The following LRFN5 variants were observed in gnomAD, a reference collection of about 807,000 sequenced individuals.
LRFN5 encodes the protein leucine-rich repeat and fibronectin type-III domain-containing protein 5.
A neutral mutation model predicts 45.6 loss-of-function variants in LRFN5; 24 were observed. The observed-to-expected ratio is 0.53, with a 90% CI of 0.38 to 0.74. The LOEUF is 0.74. Among genes scored for constraint, LRFN5 ranks in the 30% least tolerant of loss-of-function variants. The pLI, the probability that LRFN5 is intolerant of heterozygous loss-of-function variation, is 0.00. For missense variants in LRFN5, 776 were observed against 861.5 expected (o/e 0.90, Z 1.24); for synonymous variants, 340 against 313.8 (o/e 1.08, Z -0.88).
intron 2 of LRFN5, among the ~76,000 whole-genome samples, chr14:41,856,679 T>TATTATTA (rs1566486513): frequency 6.7e-5 from 4 of 60,100 alleles, no homozygotes; most frequent in Admixed American, 1.7e-4. Context: ...ATTATTATTT[T>TATTATTA]TTTTTTTTTT....
intron 1 of LRFN5, among the ~76,000 whole-genome samples, chr14:41,711,664 C>G (rs753247312): frequency 7.9e-5 from 12 of 152,128 alleles, no homozygotes; most frequent in Admixed American, 2.6e-4. Flanking sequence ...GAAGCAATCA[C>G]AGTTTCTTTC....
intron 2 of LRFN5, among the ~76,000 whole-genome samples, chr14:41,864,551 G>T (rs866513799): frequency 1.3e-4 from 20 of 152,238 alleles, no homozygotes; most frequent in African/African-American, 4.8e-4. Context: ...GGGATTAGAA[G>T]CCCACCCTAC....
chr14:41,638,750 A>G (rs1879424910), intron 1 of LRFN5, among the ~76,000 whole-genome samples: 1 of 152,244 alleles, frequency 6.6e-6, no homozygotes, highest in East Asian at 1.9e-4. Context: ...CTTTTATAAC[A>G]TAAACTAAAT....
intron 1 of LRFN5, among the ~76,000 whole-genome samples, chr14:41,625,256 G>T (rs1316500135): frequency 8.4e-6 from 1 of 118,834 alleles, no homozygotes; most frequent in Non-Finnish European, 1.9e-5. Flanking sequence ...TATATCAAGG[G>T]TGGGTTCATC....
At chr14:41,895,615 ACT>A (rs1306091805) in intron 4 of LRFN5, among the ~76,000 whole-genome samples, 2 of 151,896 alleles carry the variant, frequency 1.3e-5, no homozygotes, top group African/African-American at 2.4e-5. Flanking sequence ...ACAGAGAGAG[ACT>A]CTGTCTCAAA....
At chr14:41,639,178 G>T (rs1356063177) in intron 1 of LRFN5, among the ~76,000 whole-genome samples, 1 of 152,064 alleles carries the variant, frequency 6.6e-6, no homozygotes, top group Admixed American at 6.6e-5. Flanking sequence ...TGAATCATTT[G>T]CTCAATAGCA....
intron 2 of LRFN5, among the ~76,000 whole-genome samples, chr14:41,836,757 G>A (rs1888675382): frequency 6.6e-6 from 1 of 152,092 alleles, no homozygotes. Flanking sequence ...CACCTAAACA[G>A]GTTCATTCAG....
intron 1 of LRFN5, among the ~76,000 whole-genome samples, chr14:41,610,650 C>G (rs1165954595): frequency 3.7e-5 from 1 of 26,786 alleles, no homozygotes; most frequent in African/African-American, 1.2e-4. Flanking sequence ...CCTCTGAGGT[C>G]CCAGGGAAGG....
chr14:41,815,743 C>A (rs1267511536), intron 2 of LRFN5, among the ~76,000 whole-genome samples: 1 of 151,636 alleles, frequency 6.6e-6, no homozygotes, highest in African/African-American at 2.4e-5. Flanking sequence ...GAGACCTTGT[C>A]TCATAAATAA....
chr14:41,859,809 T>C (rs956421561), intron 2 of LRFN5, among the ~76,000 whole-genome samples: 2 of 152,224 alleles, frequency 1.3e-5, no homozygotes, highest in Non-Finnish European at 2.9e-5. Context: ...ATTAATGTTA[T>C]ACCTTAATAC....
chr14:41,833,734 C>T (rs1040742237), intron 2 of LRFN5, among the ~76,000 whole-genome samples: 8 of 152,196 alleles, frequency 5.3e-5, no homozygotes, highest in Non-Finnish European at 7.3e-5. Context: ...TTTCTACTTT[C>T]TTAACTTTGT....
intron 1 of LRFN5, among the ~76,000 whole-genome samples, chr14:41,664,519 G>T (rs1323374751): frequency 1.3e-4 from 19 of 151,708 alleles, no homozygotes; most frequent in Non-Finnish European, 2.8e-4. Flanking sequence ...TTTCTAGGCT[G>T]GGCAGAATGG....
intron 2 of LRFN5, among the ~76,000 whole-genome samples, chr14:41,823,827 C>T (rs965254071): frequency 6.6e-6 from 1 of 152,104 alleles, no homozygotes; most frequent in African/African-American, 2.4e-5. Flanking sequence ...GTTTTGAACA[C>T]TTTACATGAT....
intron 4 of LRFN5, among the ~76,000 whole-genome samples, chr14:41,895,812 A>T (rs550673426): frequency 2.0e-5 from 3 of 152,018 alleles, no homozygotes; most frequent in Admixed American, 6.5e-5. Flanking sequence ...TATTTTACTT[A>T]AAATTTTGGA....
At chr14:41,654,775 T>A (rs532215665) in intron 1 of LRFN5, among the ~76,000 whole-genome samples, 1 of 152,094 alleles carries the variant, frequency 6.6e-6, no homozygotes, top group Non-Finnish European at 1.5e-5. Context: ...AGCAGTCTTA[T>A]AAAAACAAGT....
rs568728378 is a variant in LRFN5, at chr14:41,890,576, G to A, written c.1386-674G>A. Among the ~76,000 whole-genome samples, 18 of 151,794 alleles carry A rather than the reference G, an allele frequency of 1.2e-4. No homozygotes were observed. The South Asian group carries it at 3.3e-3, about 28-fold the overall frequency. On this transcript the variant is annotated intron_variant, in intron 3 of 5. Coordinates refer to ENST00000298119, the MANE Select transcript of LRFN5 (RefSeq NM_152447.5). ...CAAAAAATTAGCCGGGCGTGGTGGC[G>A]GGCGCCTGTAGTCCCAGCTACTCGG...
intron 2 of LRFN5, among the ~76,000 whole-genome samples, chr14:41,824,830 G>A (rs1304390693): frequency 1.3e-5 from 2 of 152,108 alleles, no homozygotes; most frequent in Non-Finnish European, 2.9e-5. Flanking sequence ...GGAAGTGGGA[G>A]ATGGAACCTG....
At chr14:41,770,118 C>T (rs916834040) in intron 2 of LRFN5, among the ~76,000 whole-genome samples, 2 of 152,024 alleles carry the variant, frequency 1.3e-5, no homozygotes, top group African/African-American at 2.4e-5. Context: ...TTTTAACAAC[C>T]GGATCTCACA....
intron 2 of LRFN5, among the ~76,000 whole-genome samples, chr14:41,855,595 A>G (rs1340252387): frequency 6.6e-6 from 1 of 152,156 alleles, no homozygotes. Context: ...TATTTTAGCC[A>G]TTTAGCATCC....
Sources: gnomAD v4.1 joint callset for allele counts (sites outside exome capture counted in the v4.1 genomes callset) on GRCh38, gnomAD v4.1.1 for gene constraint, MANE v1.5 for transcripts, NCBI Gene and HGNC (gene_info 2026-07-23, HGNC 2026-07-21) for gene names.